ABCG1: variants seen among roughly 807,000 people sequenced by gnomAD.
ABCG1 encodes ATP binding cassette subfamily G member 1.
In ABCG1, 29 loss-of-function variants were observed where a neutral mutation model predicts 69.2. The ratio of observed to expected loss-of-function variants is 0.42; its 90% CI spans 0.31 to 0.57. ABCG1 has a LOEUF of 0.57. Among genes scored for constraint, ABCG1 ranks in the 20% least tolerant of loss-of-function variants. The pLI is 0.15. For missense variants in ABCG1, 718 were observed against 898.1 expected (o/e 0.80, Z 2.56); for synonymous variants, 370 against 374.8 (o/e 0.99, Z 0.15).
rs1432648558 is a variant in ABCG1, at chr21:42,282,269, C to T, written c.589-5C>T. 4 of 1,610,394 alleles carry T rather than the reference C, an allele frequency of 2.5e-6. No homozygotes were observed. The highest frequency in any genetic ancestry group is 2.2e-5 in the East Asian group (1 of 44,848). The stretch of plus-strand genomic sequence containing the variant: ...TCCCAATGTCTCTCGTTCTGTTGCC[C>T]CCAGGTCAAGGAGATACTGACAGCG... On this transcript the variant is annotated splice_polypyrimidine_tract_variant and splice_region_variant and intron_variant, in intron 5 of 14. Coordinates refer to ENST00000398449, the MANE Select transcript of ABCG1 (RefSeq NM_016818.3).
Position 42,288,908 on chromosome 21 carries a change from T to C in ABCG1, c.1224+596T>C, listed in dbSNP as rs116457661. On this transcript the variant is annotated intron_variant, in intron 10 of 14. Transcript: ENST00000398449. This position sits in a 1 kb window ranked among gnomAD's most constrained non-coding sequence, Gnocchi z 4.8. Reference sequence around the variant, plus strand: ...GGAGCCCTCAGGAAACTTTCAATCATGGTGGAAGGCAAAGTGGGATGGAGC... The same window carrying C: ...GGAGCCCTCAGGAAACTTTCAATCACGGTGGAAGGCAAAGTGGGATGGAGC... Among the ~76,000 whole-genome samples the C allele has an allele frequency of 6.8e-3, 1,030 of 152,218 alleles. 18 individuals are homozygous for C. The highest frequency in any genetic ancestry group is 0.023 in the African/African-American group (949 of 41,524).
chr21:42,272,617 C>T (rs552389657), intron 3 of ABCG1, among the ~76,000 whole-genome samples: 1 of 152,306 alleles, frequency 6.6e-6, no homozygotes, highest in South Asian at 2.1e-4. Context: ...TGCACCAGCT[C>T]CCGGGCTGCA....
intron 2 of ABCG1, among the ~76,000 whole-genome samples, chr21:42,242,783 G>A (rs921590942): frequency 6.6e-6 from 1 of 152,160 alleles, no homozygotes; most frequent in Non-Finnish European, 1.5e-5. Flanking sequence ...GTGTTTTTTG[G>A]TTTTTGTGAC....
intron 2 of ABCG1, among the ~76,000 whole-genome samples, chr21:42,250,762 C>T (rs983788413): frequency 3.9e-5 from 6 of 152,224 alleles, no homozygotes; most frequent in Admixed American, 3.9e-4. Flanking sequence ...ATAACACAAA[C>T]GTGCTTTGTC....
chr21:42,275,686 G>A (rs962103726), intron 4 of ABCG1, among the ~76,000 whole-genome samples: 2 of 152,140 alleles, frequency 1.3e-5, no homozygotes, highest in African/African-American at 4.8e-5. Context: ...CCTCGCCACC[G>A]AACCTGCTGT....
At chr21:42,206,078 G>A (rs1160575172) in intron 2 of ABCG1, among the ~76,000 whole-genome samples, 1 of 152,154 alleles carries the variant, frequency 6.6e-6, no homozygotes, top group African/African-American at 2.4e-5. Flanking sequence ...ACAGTCTGGT[G>A]CCAGCCATGG....
chr21:42,229,457 C>G (rs368500553), intron 2 of ABCG1, among the ~76,000 whole-genome samples: 38 of 152,254 alleles, frequency 2.5e-4, no homozygotes, highest in African/African-American at 8.7e-4. Flanking sequence ...CAGTGGCTCA[C>G]GCCTGTAATC....
intron 1 of ABCG1, among the ~76,000 whole-genome samples, chr21:42,223,087 C>T (rs1160304914): frequency 6.6e-6 from 1 of 152,158 alleles, no homozygotes; most frequent in African/African-American, 2.4e-5. Flanking sequence ...CCCATGGGGA[C>T]CTTGTTTGCC....
rs546403039 is a variant in ABCG1, at chr21:42,296,619, T to C, written c.*227T>C. 3 of 496,402 alleles carry C rather than the reference T, an allele frequency of 6.0e-6. No homozygotes were observed. Among genetic ancestry groups the C allele is most frequent in the South Asian group, 4.8e-5 (2 of 41,922 alleles). 30.7% of individuals were successfully genotyped at this position (496,402 alleles called of 1,614,324 possible). A position where few individuals can be genotyped will look rare whatever the true frequency, so the allele number is the denominator to read the frequency against. On this transcript the variant is annotated 3_prime_UTR_variant, in exon 15 of 15. Transcript: ENST00000398449. The surrounding 1 kb of genome is among the most constrained non-coding windows in gnomAD (Gnocchi z 5.4). ...TTTAACTAGGAAGATGTAGGCAGAT[T>C]GGTGGTTTTTTTTTTTTTAACATAC... is the stretch of plus-strand genomic sequence containing the variant.
intron 2 of ABCG1, among the ~76,000 whole-genome samples, chr21:42,204,816 A>G (rs1181536266): frequency 1.3e-5 from 2 of 152,204 alleles, no homozygotes; most frequent in Non-Finnish European, 1.5e-5. Context: ...CCAATGATCA[A>G]CTATAGTATT....
intron 1 of ABCG1, among the ~76,000 whole-genome samples, chr21:42,221,905 C>T (rs2067733971): frequency 6.6e-6 from 1 of 152,186 alleles, no homozygotes; most frequent in Admixed American, 6.5e-5. Context: ...CCCTCCCCAG[C>T]TAAACAGGCA....
chr21:42,203,322 C>T (rs928069754), intron 2 of ABCG1, among the ~76,000 whole-genome samples: 3 of 151,996 alleles, frequency 2.0e-5, no homozygotes, highest in Admixed American at 6.6e-5. Context: ...TGATGTAGTC[C>T]CGTTTATCAA....
chr21:42,250,547 C>G (rs3787979), intron 2 of ABCG1, among the ~76,000 whole-genome samples: 48,003 of 152,110 alleles, frequency 0.32, 8,313 homozygotes, highest in Middle Eastern at 0.4. Context: ...AGGGCTGGGA[C>G]CTCCCAGGGA....
intron 2 of ABCG1, among the ~76,000 whole-genome samples, chr21:42,263,135 G>C (rs539955540): frequency 4.6e-5 from 7 of 152,206 alleles, no homozygotes; most frequent in Non-Finnish European, 5.9e-5. Flanking sequence ...GTGCCTTCCT[G>C]AAATTCCTTC....
intron 2 of ABCG1, among the ~76,000 whole-genome samples, chr21:42,257,562 C>A (rs566757375): frequency 6.6e-6 from 1 of 152,104 alleles, no homozygotes; most frequent in Non-Finnish European, 1.5e-5. Context: ...TAGGGCGTGG[C>A]GGTGACCCTG....
At chr21:42,269,991 C>T (rs1601420381) in intron 2 of ABCG1, among the ~76,000 whole-genome samples, 1 of 150,626 alleles carries the variant, frequency 6.6e-6, no homozygotes, top group Non-Finnish European at 1.5e-5. Context: ...CTGGGCCGGG[C>T]GCGGTGGCTC....
intron 2 of ABCG1, among the ~76,000 whole-genome samples, chr21:42,237,714 A>T (rs142758160): frequency 6.6e-6 from 1 of 152,338 alleles, no homozygotes; most frequent in African/African-American, 2.4e-5. Context: ...GAAAACCAAG[A>T]GCCTTGAGAT....
intron 2 of ABCG1, among the ~76,000 whole-genome samples, chr21:42,248,267 G>C (rs1043656263): frequency 2.9e-4 from 44 of 152,192 alleles, no homozygotes; most frequent in African/African-American, 9.9e-4. Flanking sequence ...GTTGCTGAGG[G>C]GCCTCATTAG....
Position 42,296,238 on chromosome 21 carries a change from C to A in ABCG1, c.1847C>A (p.Thr616Lys). ...REDLHCDIDE[T>K]CHFQKSEAIL... ...GATCTGCACTGTGACATCGACGAGA[C>A]GTGCCACTTCCAGAAGTCGGAGGCC... Residue 616 changes from threonine (T) to lysine (K), a missense_variant, in exon 15 of 15, where the codon ACG (threonine) becomes AAG (lysine). By Grantham distance (78) the Thr-to-Lys change is moderately conservative. Around this residue, in one of 2 missense-constraint regions of ABCG1, gnomAD observed 204 missense variants for 323.8 expected, o/e 0.63. Coordinates refer to ENST00000398449, the MANE Select transcript of ABCG1 (RefSeq NM_016818.3). This position sits in a 1 kb window ranked among gnomAD's most constrained non-coding sequence, Gnocchi z 5.4. The A allele has an allele frequency of 6.2e-7, 1 of 1,614,152 alleles. No individual in the cohort carries two copies. The highest frequency in any genetic ancestry group is 8.5e-7 in the Non-Finnish European group (1 of 1,180,040).
Sources: gnomAD v4.1 joint callset for allele counts (sites outside exome capture counted in the v4.1 genomes callset) on GRCh38, gnomAD v4.1.1 for gene constraint, gnomAD v4.1.1 regional missense constraint, Gnocchi (gnomAD v3.1) non-coding constraint, MANE v1.5 for transcripts, NCBI Gene and HGNC (gene_info 2026-07-23, HGNC 2026-07-21) for gene names.